Variants in ZSCAN5A observed in about 807,000 individuals in gnomAD.
ZSCAN5A encodes the protein zinc finger and SCAN domain containing 5A.
In ZSCAN5A, 12 loss-of-function variants were observed where a neutral mutation model predicts 23.7. The observed-to-expected ratio is 0.51, with a 90% CI of 0.32 to 0.82. ZSCAN5A has a LOEUF of 0.82. Ranked by LOEUF, ZSCAN5A falls within the 40% of genes least tolerant of loss-of-function variation. ZSCAN5A has a pLI of 0.03. For missense variants in ZSCAN5A, 597 were observed against 617.9 expected, an observed-to-expected ratio of 0.97 and a Z score of 0.36; for synonymous variants, 257 against 239.9, an observed-to-expected ratio of 1.07 and a Z score of -0.66.
intron 2 of ZSCAN5A, among the ~76,000 whole-genome samples, chr19:56,323,736 A>G (rs1396189845): frequency 6.6e-6 from 1 of 151,136 alleles, no homozygotes; most frequent in Non-Finnish European, 1.5e-5. Flanking sequence ...GGGTTTCTCC[A>G]TGTTGGTCAG....
chr19:56,354,146 A>G (rs1189175410), intron 2 of ZSCAN5A, among the ~76,000 whole-genome samples: 1 of 152,180 alleles, frequency 6.6e-6, no homozygotes, highest in Non-Finnish European at 1.5e-5. Context: ...AAGAGAATAA[A>G]AAGAGTTGCT....
At chr19:56,261,664 G>T (rs1187045508) in intron 2 of ZSCAN5A, among the ~76,000 whole-genome samples, 1 of 152,070 alleles carries the variant, frequency 6.6e-6, no homozygotes, top group Non-Finnish European at 1.5e-5. Flanking sequence ...CAACTGAAAA[G>T]TGTATTAGGG....
chr19:56,293,120 G>A (rs74634926), intron 2 of ZSCAN5A, among the ~76,000 whole-genome samples: 1 of 152,140 alleles, frequency 6.6e-6, no homozygotes. Context: ...TTGAGCCTCA[G>A]TGAAACCCAA....
chr19:56,284,064 C>A (rs1248340872), intron 2 of ZSCAN5A: 7 of 480,450 alleles, frequency 1.5e-5, no homozygotes, highest in African/African-American at 2.1e-5. Flanking sequence ...AATCTGTTCC[C>A]AGCCCCCAGC....
At chr19:56,297,134 A>C (rs1201843116) in intron 2 of ZSCAN5A, among the ~76,000 whole-genome samples, 1 of 152,146 alleles carries the variant, frequency 6.6e-6, no homozygotes, top group East Asian at 1.9e-4. Context: ...TTGAAGAAGA[A>C]GGGCAGGTGA....
chr19:56,251,571 T>C (rs934748613), intron 2 of ZSCAN5A, among the ~76,000 whole-genome samples: 15 of 152,252 alleles, frequency 9.9e-5, no homozygotes, highest in Non-Finnish European at 2.2e-4. Context: ...TTTGTGTGTG[T>C]GTGTTTTACA....
intron 2 of ZSCAN5A, among the ~76,000 whole-genome samples, chr19:56,341,942 T>C (rs974910357): frequency 2.0e-5 from 3 of 152,116 alleles, no homozygotes; most frequent in African/African-American, 7.2e-5. Context: ...GCAATAAAAG[T>C]TGAATTTTGG....
At chr19:56,271,337 G>A (rs2037832995) in intron 2 of ZSCAN5A, among the ~76,000 whole-genome samples, 1 of 152,162 alleles carries the variant, frequency 6.6e-6, no homozygotes, top group Non-Finnish European at 1.5e-5. Context: ...GGTGTCAGTG[G>A]CCTCCCTTAT....
At chr19:56,331,537 CT>C (rs1191188951) in intron 2 of ZSCAN5A, among the ~76,000 whole-genome samples, 51 of 65,636 alleles carry the variant, frequency 7.8e-4, no homozygotes, top group South Asian at 2.3e-3. Context: ...ATAGTCTAGG[CT>C]TTTTTTTTTT....
chr19:56,286,207 A>T (rs1278218832), intron 2 of ZSCAN5A, among the ~76,000 whole-genome samples: 1 of 151,840 alleles, frequency 6.6e-6, no homozygotes, highest in African/African-American at 2.4e-5. Context: ...TTATTAGTAG[A>T]GATGGGGTTT....
In ZSCAN5A at chr19:56,351,434, TACATGAATA is replaced by T. The variant is rs2041666798; in HGVS notation, c.-358+11792_-358+11800del. The stretch of plus-strand genomic sequence containing the variant: ...CGGGAGGGCCTGGTTTCTCCCAGGC[TACATGAATA>T]ACACACCTGGTCAAGCCAATCCTTT... On this transcript the variant is annotated intron_variant, in intron 2 of 6. Coordinates refer to the ZSCAN5A transcript ENST00000587340. This position sits in a 1 kb window ranked among gnomAD's most constrained non-coding sequence, Gnocchi z 4.8. 6.6e-6 allele frequency among the ~76,000 whole-genome samples: 1 copy of T among 152,130 alleles called. No individual in the cohort carries two copies. The highest frequency in any genetic ancestry group is 2.4e-5 in the African/African-American group (1 of 41,440).
chr19:56,334,396 T>A (rs1462123703), intron 2 of ZSCAN5A, among the ~76,000 whole-genome samples: 1 of 152,260 alleles, frequency 6.6e-6, no homozygotes, highest in Non-Finnish European at 1.5e-5. Context: ...TTATTATTTT[T>A]AAATTTTTTA....
At chr19:56,317,243 GAGA>G (rs778212993), upstream of ZSCAN5A, 39 of 152,394 alleles carry the variant, frequency 2.6e-4, no homozygotes, top group Admixed American at 5.9e-4. Context: ...GCCCACGATG[GAGA>G]AGATCTCACG....
intron 2 of ZSCAN5A, among the ~76,000 whole-genome samples, chr19:56,344,968 G>A (rs1186761891): frequency 6.8e-6 from 1 of 147,184 alleles, no homozygotes; most frequent in East Asian, 2.0e-4. Flanking sequence ...AGCCAGGCGT[G>A]TTGGCAGGCA....
intron 2 of ZSCAN5A, among the ~76,000 whole-genome samples, chr19:56,243,208 G>C (rs1056129314): frequency 6.6e-6 from 1 of 151,880 alleles, no homozygotes; most frequent in African/African-American, 2.4e-5. Flanking sequence ...TGATTGGCAG[G>C]GGCTGGGGTG....
chr19:56,365,080 A>G (rs910848288), intron 1 of ZSCAN5A: 1 of 152,260 alleles, frequency 6.6e-6, no homozygotes, highest in African/African-American at 2.4e-5. Context: ...CAGACACATC[A>G]CACATAAACA....
Position 56,225,153 on chromosome 19 carries a change from A to G in ZSCAN5A, c.-107T>C. 2.0e-6 allele frequency: 3 copies of G among 1,478,846 alleles called. No homozygotes were observed. Among genetic ancestry groups the G allele is most frequent in the Non-Finnish European group, 2.7e-6 (3 of 1,125,196 alleles). The allele number at this position is 1,478,846 out of a possible 1,614,324, so 91.6% of individuals were successfully genotyped here. A position where few individuals can be genotyped will look rare whatever the true frequency, so the allele number is the denominator to read the frequency against. ...TTCCTCTGGTTTTCCTCAGTAATAG[A>G]TTCACTGTTCATTCAGAAGTCTGGG... On this transcript the variant is annotated 5_prime_UTR_variant, in exon 3 of 6. Transcript: ENST00000683990.
chr19:56,251,338 C>T (rs754338401), intron 2 of ZSCAN5A, among the ~76,000 whole-genome samples: 3 of 152,036 alleles, frequency 2.0e-5, no homozygotes, highest in African/African-American at 7.2e-5. Flanking sequence ...TGAAGATACA[C>T]TAGTTTTGGA....
intron 2 of ZSCAN5A, among the ~76,000 whole-genome samples, chr19:56,239,520 C>T (rs1175574896): frequency 2.6e-5 from 4 of 152,222 alleles, no homozygotes; most frequent in Admixed American, 6.5e-5. Flanking sequence ...ACCCTCTCAC[C>T]GTCCTGGAGT....
Sources: gnomAD v4.1 joint callset for allele counts (sites outside exome capture counted in the v4.1 genomes callset) on GRCh38, gnomAD v4.1.1 for gene constraint, Gnocchi (gnomAD v3.1) non-coding constraint, MANE v1.5 for transcripts, NCBI Gene and HGNC (gene_info 2026-07-23, HGNC 2026-07-21) for gene names.